The following LCA5 variants were observed in gnomAD, a reference collection of about 807,000 sequenced individuals.
The protein encoded by LCA5 is lebercilin.
In LCA5, 37 loss-of-function variants were observed where a neutral mutation model predicts 53.0. That is an observed-to-expected ratio of 0.70 (90% CI 0.54 to 0.92). LCA5 has a LOEUF of 0.92. LCA5 is among the 40% of genes least tolerant of loss of function. The pLI is 0.00. For synonymous variants in LCA5, 303 were observed against 282.9 expected, an observed-to-expected ratio of 1.07 and a Z score of -0.71; for missense variants, 806 against 790.5, an observed-to-expected ratio of 1.02 and a Z score of -0.23.
At chr6:79,494,757 A>G (rs1769933854) in intron 3 of LCA5, among the ~76,000 whole-genome samples, 1 of 152,194 alleles carries the variant, frequency 6.6e-6, no homozygotes, top group Non-Finnish European at 1.5e-5. Flanking sequence ...ATTTAACTAA[A>G]TTCTGCTGTT....
rs1030856538 is a variant in LCA5 at position 79,485,000 on chromosome 6, A to C, written c.*2004T>G. On this transcript the variant is annotated 3_prime_UTR_variant, in exon 8 of 8. Coordinates refer to ENST00000369846, the MANE Select transcript of LCA5 (RefSeq NM_001122769.3). ...AAATAAAGAGTCATAGTGCATTTTT[A>C]ATTTTTATTAGTAACAGTTCTGAGT... 3.9e-5 allele frequency: 6 copies of C among 152,532 alleles called. No homozygotes were observed. The highest frequency in any genetic ancestry group is 1.4e-4 in the African/African-American group (6 of 41,446). The allele number at this position is 152,532 out of a possible 1,614,324, so 9.4% of individuals were successfully genotyped here.
At position 79,512,260 on chromosome 6, in the gene LCA5, A is replaced by G. The variant is rs568420510; in HGVS notation, c.720+952T>C. Among the ~76,000 whole-genome samples, 3 of 152,196 alleles carry G rather than the reference A, an allele frequency of 2.0e-5. No individual in the cohort carries two copies. In the South Asian group the frequency reaches 6.2e-4, roughly 32 times the overall value. On this transcript the variant is annotated intron_variant, in intron 3 of 7. Coordinates refer to ENST00000369846, the MANE Select transcript of LCA5 (RefSeq NM_001122769.3). ...TGCACTATGAGCTGATCATTATTGG[A>G]ATCTACATAATAGGATATCTTCTGT...
At chr6:79,535,785 A>C (rs1011737427) in intron 1 of LCA5, among the ~76,000 whole-genome samples, 4 of 152,212 alleles carry the variant, frequency 2.6e-5, no homozygotes, top group Non-Finnish European at 5.9e-5. Context: ...GAGAGGAAGA[A>C]CACAGCCAAG....
At chr6:79,489,785 C>G (rs1403404128) in intron 6 of LCA5, among the ~76,000 whole-genome samples, 1 of 152,014 alleles carries the variant, frequency 6.6e-6, no homozygotes, top group Non-Finnish European at 1.5e-5. Context: ...AAAGACTTGT[C>G]TAGTATCCAT....
chr6:79,515,665 G>A (rs1240861357), intron 2 of LCA5, among the ~76,000 whole-genome samples: 1 of 151,972 alleles, frequency 6.6e-6, no homozygotes. Flanking sequence ...AACACTAGAA[G>A]ATCCAACCTT....
chr6:79,513,213 TTAATTCTTC>T lies in LCA5; in HGVS notation c.710_718del (p.Arg237_Ile239del). 1 of 1,612,644 alleles carries T rather than the reference TTAATTCTTC, an allele frequency of 6.2e-7. No individual in the cohort carries two copies. The highest frequency in any genetic ancestry group is 1.1e-5 in the South Asian group (1 of 91,038). The stretch of plus-strand genomic sequence containing the variant: ...AATTAGAAGCTGTAGAAATTGTACC[TTAATTCTTC>T]TCTCGGTGTCATCTAACTTTAACTC... On this transcript the variant is annotated inframe_deletion and splice_region_variant, in exon 3 of 8. Transcript: ENST00000369846.
chr6:79,525,332 T>A (rs1347720655), intron 1 of LCA5: 8 of 152,230 alleles, frequency 5.3e-5, no homozygotes, highest in Admixed American at 5.2e-4. Flanking sequence ...CCCCTCGTTT[T>A]AGCAGACCAG....
intron 7 of LCA5, 84 bp from the exon 8 acceptor site, chr6:79,487,950 C>A: frequency 9.5e-7 from 1 of 1,054,714 alleles, no homozygotes; most frequent in Non-Finnish European, 1.4e-6. Flanking sequence ...CATAAAACCA[C>A]CATATTTAAT....
chr6:79,514,482 A>T (rs1451991486), intron 2 of LCA5, among the ~76,000 whole-genome samples: 1 of 152,198 alleles, frequency 6.6e-6, no homozygotes, highest in Non-Finnish European at 1.5e-5. Flanking sequence ...AGTCAGAAAT[A>T]CCATTTGACC....
chr6:79,490,508 T>C (rs1769807409), intron 6 of LCA5, among the ~76,000 whole-genome samples: 1 of 152,118 alleles, frequency 6.6e-6, no homozygotes, highest in African/African-American at 2.4e-5. Flanking sequence ...GTTGAATGTA[T>C]ACTGTAAAAA....
intron 1 of LCA5, among the ~76,000 whole-genome samples, chr6:79,521,033 T>C (rs1469438095): frequency 7.2e-5 from 11 of 152,206 alleles, no homozygotes; most frequent in Non-Finnish European, 1.5e-4. Context: ...GCTGGCCACA[T>C]GTGGCTATCA....
chr6:79,511,299 C>G (rs1770403366), intron 3 of LCA5, among the ~76,000 whole-genome samples: 1 of 152,054 alleles, frequency 6.6e-6, no homozygotes, highest in African/African-American at 2.4e-5. Context: ...ATGGAATACT[C>G]AGGGAGAAAG....
Position 79,491,702 on chromosome 6 carries a change from C to T in LCA5, c.984G>A (p.Leu328=). The change falls in exon 6 of 8, where the codon CTG becomes CTA. Residue 328 remains leucine, a synonymous_variant. Transcript: ENST00000369846. ...NAACQSDFAD[L]CTKGVQTMED... ...CCATGGTTTGTACTCCTTTTGTACA[C>T]AGGTCTGCAAAATCACTCTGGCATG... 4.3e-6 allele frequency: 7 copies of T among 1,612,930 alleles called. No individual in the cohort carries two copies. Among genetic ancestry groups the T allele is most frequent in the Non-Finnish European group, 5.9e-6 (7 of 1,179,204 alleles).
intron 1 of LCA5, among the ~76,000 whole-genome samples, chr6:79,523,914 T>C (rs1766702192): frequency 6.6e-6 from 1 of 152,360 alleles, no homozygotes; most frequent in South Asian, 2.1e-4. Flanking sequence ...CCTTTATATG[T>C]ACGCTATATC....
At chr6:79,526,083 C>T (rs1040304751) in intron 1 of LCA5, among the ~76,000 whole-genome samples, 1 of 152,110 alleles carries the variant, frequency 6.6e-6, no homozygotes, top group Non-Finnish European at 1.5e-5. Context: ...AGGAGGAAGG[C>T]CTCCCGAACT....
chr6:79,503,961 C>G (rs1770210670), intron 3 of LCA5, among the ~76,000 whole-genome samples: 1 of 152,170 alleles, frequency 6.6e-6, no homozygotes, highest in Non-Finnish European at 1.5e-5. Flanking sequence ...TTAGCAAAGT[C>G]CATCAATGTT....
intron 3 of LCA5, among the ~76,000 whole-genome samples, chr6:79,506,820 A>G (rs1770282858): frequency 6.6e-6 from 1 of 152,198 alleles, no homozygotes; most frequent in Non-Finnish European, 1.5e-5. Flanking sequence ...GGGTTTTCCA[A>G]AGGCTCCACT....
intron 3 of LCA5, among the ~76,000 whole-genome samples, chr6:79,494,691 C>A (rs976794225): frequency 6.6e-5 from 10 of 152,128 alleles, no homozygotes; most frequent in African/African-American, 2.4e-4. Context: ...AGTCAATATA[C>A]TGTAATAACA....
At chr6:79,530,681 A>G (rs1766933010) in intron 1 of LCA5, among the ~76,000 whole-genome samples, 1 of 152,198 alleles carries the variant, frequency 6.6e-6, no homozygotes, top group Admixed American at 6.5e-5. Context: ...CTTAGGAAAT[A>G]TAACAACCCA....
Sources: gnomAD v4.1 joint callset for allele counts (sites outside exome capture counted in the v4.1 genomes callset) on GRCh38, gnomAD v4.1.1 for gene constraint, MANE v1.5 for transcripts, NCBI Gene and HGNC (gene_info 2026-07-23, HGNC 2026-07-21) for gene names.